The following CALN1 variants were observed in gnomAD, a reference collection of about 807,000 sequenced individuals.
CALN1 encodes the protein calcium-binding protein 8.
A neutral mutation model predicts 30.6 loss-of-function variants in CALN1; 17 were observed. The ratio of observed to expected loss-of-function variants is 0.56; its 90% CI spans 0.38 to 0.83. The LOEUF is 0.83. CALN1 is among the 40% of genes least tolerant of loss of function. The pLI, the probability that CALN1 is intolerant of heterozygous loss-of-function variation, is 0.00. For synonymous variants in CALN1, 156 were observed against 131.4 expected (o/e 1.19, Z -1.28); for missense variants, 291 against 354.9 (o/e 0.82, Z 1.45).
At chr7:72,431,538 T>A (rs1206964788) in intron 1 of CALN1, among the ~76,000 whole-genome samples, 2 of 152,170 alleles carry the variant, frequency 1.3e-5, no homozygotes, top group East Asian at 3.9e-4. Flanking sequence ...ATAGGTAATC[T>A]AAGCGCTAAG....
rs201877599 is a variant in CALN1 at position 72,145,740 on chromosome 7, G to A, written c.245-39446C>T. Among the ~76,000 whole-genome samples the A allele has an allele frequency of 4.7e-3, 718 of 152,182 alleles. 4 individuals are homozygous for A. The highest frequency in any genetic ancestry group is 5.7e-3 in the Non-Finnish European group (391 of 68,010). ...ATCCTCAATAAAATACTGGCAAACC[G>A]AATCCAGCAGCACATCAAAAAGCTT... On this transcript the variant is annotated intron_variant, in intron 3 of 6. Transcript: ENST00000395275.
chr7:72,337,270 G>C (rs1008607987), intron 2 of CALN1: 54 of 985,096 alleles, frequency 5.5e-5, no homozygotes, highest in Non-Finnish European at 6.3e-5. Context: ...TCAGGAGCCG[G>C]GCTTCTGGGC....
intron 4 of CALN1, among the ~76,000 whole-genome samples, chr7:72,097,157 C>T (rs572067747): frequency 6.0e-5 from 9 of 149,414 alleles, no homozygotes; most frequent in South Asian, 2.2e-4. Context: ...CGGGGCCTGT[C>T]GTGGGGTGGG....
intron 4 of CALN1, chr7:72,104,285 A>G (rs1367545958): frequency 6.6e-6 from 1 of 152,298 alleles, no homozygotes; most frequent in Admixed American, 6.5e-5. Context: ...AGTCTCTCAG[A>G]CAACGTAGAA....
chr7:72,119,266 G>A (rs1808211905), intron 3 of CALN1, among the ~76,000 whole-genome samples: 1 of 151,946 alleles, frequency 6.6e-6, no homozygotes, highest in Admixed American at 6.6e-5. Context: ...CATGGTAGAA[G>A]GTGAAAGGCA....
At position 71,863,208 on chromosome 7, in the gene CALN1, A is replaced by T. The variant is rs143675688; in HGVS notation, c.502-52716T>A. Among the ~76,000 whole-genome samples, 948 of 152,070 alleles carry T rather than the reference A, an allele frequency of 6.2e-3. 9 individuals are homozygous for T. Among genetic ancestry groups the T allele is most frequent in the Non-Finnish European group, 7.2e-3 (491 of 67,958 alleles). ...TGGGAGATGGAGGCTGCAGTGAGCC[A>T]TGATCGCACCACTGCATTCCAGCCT... On this transcript the variant is annotated intron_variant, in intron 5 of 6. Coordinates refer to ENST00000395275, the MANE Select transcript of CALN1 (RefSeq NM_031468.4).
chr7:72,353,212 TAG>T (rs886464574), intron 2 of CALN1, among the ~76,000 whole-genome samples: 1 of 151,940 alleles, frequency 6.6e-6, no homozygotes, highest in African/African-American at 2.4e-5. Flanking sequence ...TTTCATAAAA[TAG>T]AGAGCGGGAA....
chr7:72,381,327 T>G (rs1297737690), intron 2 of CALN1, among the ~76,000 whole-genome samples: 1 of 152,150 alleles, frequency 6.6e-6, no homozygotes, highest in Non-Finnish European at 1.5e-5. Flanking sequence ...CCAGCAATCC[T>G]ATTACTGGGT....
intron 4 of CALN1, among the ~76,000 whole-genome samples, chr7:72,050,553 C>T (rs1439452196): frequency 1.3e-5 from 2 of 152,124 alleles, no homozygotes; most frequent in Admixed American, 6.6e-5. Flanking sequence ...AGCCCTAGAT[C>T]ACTCCGAAAT....
At chr7:72,282,519 A>G (rs1797799055) in intron 2 of CALN1, among the ~76,000 whole-genome samples, 1 of 152,152 alleles carries the variant, frequency 6.6e-6, no homozygotes, top group African/African-American at 2.4e-5. Context: ...ATACCCTTAT[A>G]AAAGGGTTGG....
chr7:72,491,309 CTG>C, the CALN1 span, among the ~76,000 whole-genome samples: 1 of 151,818 alleles, frequency 6.6e-6, no homozygotes, highest in Admixed American at 6.6e-5. Flanking sequence ...TGGCTCATGT[CTG>C]TAATTCTAGC....
chr7:72,216,532 G>C (rs1040371031), intron 3 of CALN1, among the ~76,000 whole-genome samples: 3 of 152,120 alleles, frequency 2.0e-5, no homozygotes, highest in African/African-American at 7.2e-5. Context: ...CCAAGCGTAA[G>C]GTACCCTGAC....
At chr7:72,113,079 C>A (rs375735044) in intron 3 of CALN1, among the ~76,000 whole-genome samples, 1 of 151,994 alleles carries the variant, frequency 6.6e-6, no homozygotes, top group Non-Finnish European at 1.5e-5. Context: ...TGCACTAGGG[C>A]GATGCTATAG....
intron 3 of CALN1, among the ~76,000 whole-genome samples, chr7:72,189,993 G>A (rs1790488274): frequency 6.6e-6 from 1 of 152,090 alleles, no homozygotes; most frequent in Admixed American, 6.6e-5. Context: ...ATGTTAGCAT[G>A]TACCAATGTT....
Position 72,295,804 on chromosome 7 carries a change from T to A in CALN1, c.120-16994A>T, listed in dbSNP as rs910682728. On this transcript the variant is annotated intron_variant, in intron 2 of 6. Transcript: ENST00000395275. ...TTTCTAGATATACAATCATGTCGTC[T>A]GCAAAGAGGGACAATTTGACTTCCT... Among the ~76,000 whole-genome samples, 8 of 151,944 alleles carry A rather than the reference T, an allele frequency of 5.3e-5. No homozygotes were observed. In the South Asian group the frequency reaches 1.7e-3, roughly 32 times the overall value.
intron 3 of CALN1, among the ~76,000 whole-genome samples, chr7:72,134,030 G>A (rs1272707206): frequency 6.6e-6 from 1 of 152,308 alleles, no homozygotes; most frequent in East Asian, 1.9e-4. Context: ...GGCCTTTGGG[G>A]AAGTGGTTAA....
intron 2 of CALN1, among the ~76,000 whole-genome samples, chr7:72,313,672 C>T (rs896772614): frequency 6.6e-6 from 1 of 151,882 alleles, no homozygotes; most frequent in African/African-American, 2.4e-5. Flanking sequence ...GCTGGGATTA[C>T]AGGCATGAGG....
rs1195082292 is a variant in CALN1, at chr7:72,262,078, CAA to C, written c.244+16606_244+16607del. On this transcript the variant is annotated intron_variant, in intron 3 of 6. Transcript: ENST00000395275. ...AGAAATATTTCCAGTGTGCTCAACT[CAA>C]AGAGAGGCCAGTGTCACCCTCCATA... Among the ~76,000 whole-genome samples the C allele has an allele frequency of 3.3e-5, 5 of 152,332 alleles. No individual in the cohort carries two copies. The South Asian group carries it at 6.2e-4, about 19-fold the overall frequency.
At chr7:72,496,170 C>T in the CALN1 span, among the ~76,000 whole-genome samples, 5 of 152,182 alleles carry the variant, frequency 3.3e-5, no homozygotes, top group African/African-American at 4.8e-5. Flanking sequence ...GATCCACCTG[C>T]CTCGGCCTCC....
Sources: gnomAD v4.1 joint callset for allele counts (sites outside exome capture counted in the v4.1 genomes callset) on GRCh38, gnomAD v4.1.1 for gene constraint, MANE v1.5 for transcripts, NCBI Gene and HGNC (gene_info 2026-07-23, HGNC 2026-07-21) for gene names.